The following NHEJ1 variants were observed in gnomAD, a reference collection of about 807,000 sequenced individuals.
NHEJ1 encodes the protein non-homologous end-joining factor 1.
In NHEJ1, 22 loss-of-function variants were observed where a neutral mutation model predicts 39.4. The ratio of observed to expected loss-of-function variants is 0.56; its 90% confidence interval spans 0.40 to 0.80. The LOEUF is 0.80. NHEJ1 is among the 30% of genes least tolerant of loss of function. The probability of loss-of-function intolerance (pLI) is 0.00; values close to 1 mark genes in which losing one functional copy is unlikely to be tolerated. For missense variants in NHEJ1, 329 were observed against 357.1 expected, an observed-to-expected ratio of 0.92 and a Z score of 0.63; for synonymous variants, 154 against 135.6, an observed-to-expected ratio of 1.14 and a Z score of -0.94.
chr2:219,110,160 A>G (rs115551901), intron 5 of NHEJ1, among the ~76,000 whole-genome samples: 5,114 of 152,238 alleles, frequency 0.034, 159 homozygotes, highest in Admixed American at 0.07. Flanking sequence ...ATGAACACAC[A>G]GACAAAAATC....
Position 219,158,170 on chromosome 2 carries a change from T to C in NHEJ1, c.177+16A>G. On this transcript the variant is annotated intron_variant, in intron 2 of 7. Transcript: ENST00000356853. ...GTTCACATCCCCGACACAGCAGTACTTCTCCTCATACTTACCTTGGCTCGC... is the reference window on the plus strand; with the variant it reads ...GTTCACATCCCCGACACAGCAGTACCTCTCCTCATACTTACCTTGGCTCGC... The C allele has an allele frequency of 1.2e-6, 2 of 1,613,802 alleles. No individual in the cohort carries two copies. The highest frequency in any genetic ancestry group is 1.1e-5 in the South Asian group (1 of 91,076).
chr2:219,105,665 T>C (rs1949306902), intron 5 of NHEJ1, among the ~76,000 whole-genome samples: 1 of 152,236 alleles, frequency 6.6e-6, no homozygotes, highest in Non-Finnish European at 1.5e-5. Context: ...TTCTGTCTAA[T>C]ACACTGTCTT....
intron 5 of NHEJ1, among the ~76,000 whole-genome samples, chr2:219,121,205 T>TA (rs559046266): frequency 0.011 from 1,412 of 134,254 alleles, 18 homozygotes; most frequent in African/African-American, 0.034. Context: ...AAACTCTGTC[T>TA]AAAAAAAAAA....
intron 5 of NHEJ1, among the ~76,000 whole-genome samples, chr2:219,080,425 T>C (rs1183756545): frequency 6.6e-6 from 1 of 151,478 alleles, no homozygotes; most frequent in Non-Finnish European, 1.5e-5. Flanking sequence ...CTCGGGAGGC[T>C]GAGGCAGCAG....
chr2:219,150,955 C>CA (rs918379610), intron 3 of NHEJ1, among the ~76,000 whole-genome samples: 34 of 143,048 alleles, frequency 2.4e-4, no homozygotes, highest in African/African-American at 3.4e-4. Context: ...GACTCCATCT[C>CA]AAAAAAAAAC....
At chr2:219,159,524 TGC>T (rs1450396156) in intron 1 of NHEJ1, among the ~76,000 whole-genome samples, 290 of 23,626 alleles carry the variant, frequency 0.012, 12 homozygotes, top group African/African-American at 0.018. Context: ...TATATATATA[TGC>T]ATATATATAT....
chr2:219,095,469 G>T, intron 5 of NHEJ1: 1 of 375,194 alleles, frequency 2.7e-6, no homozygotes, highest in Non-Finnish European at 5.6e-6. Flanking sequence ...AAACCTAATG[G>T]TCACTTAATA....
At chr2:219,127,470 T>C (rs752764459) in intron 5 of NHEJ1, among the ~76,000 whole-genome samples, 1 of 152,198 alleles carries the variant, frequency 6.6e-6, no homozygotes, top group Admixed American at 6.5e-5. Flanking sequence ...TCTTGAATAT[T>C]ATCCCCTCAC....
At chr2:219,159,724 ATGAT>A (rs1287967775) in intron 1 of NHEJ1, among the ~76,000 whole-genome samples, 1 of 151,204 alleles carries the variant, frequency 6.6e-6, no homozygotes, top group Non-Finnish European at 1.5e-5. Context: ...TGGTCATGGG[ATGAT>A]TAAGCTAGTC....
intron 5 of NHEJ1, among the ~76,000 whole-genome samples, chr2:219,096,831 G>A (rs1223200060): frequency 6.6e-6 from 1 of 152,158 alleles, no homozygotes; most frequent in Non-Finnish European, 1.5e-5. Context: ...AAGATTATAG[G>A]GATCAGGTAA....
chr2:219,098,357 T>C (rs1272594745), intron 5 of NHEJ1, among the ~76,000 whole-genome samples: 1 of 152,170 alleles, frequency 6.6e-6, no homozygotes, highest in Non-Finnish European at 1.5e-5. Context: ...TGAATACTAA[T>C]ATAACAATCT....
At chr2:219,077,083 C>A (rs1949020753) in intron 7 of NHEJ1, among the ~76,000 whole-genome samples, 163 bp downstream of exon 7, 1 of 152,200 alleles carries the variant, frequency 6.6e-6, no homozygotes, top group Admixed American at 6.5e-5. Flanking sequence ...ATGTGCAAGA[C>A]CATGACTCTC....
chr2:219,086,300 A>ATCACAGCAAAT (rs1949111476), intron 5 of NHEJ1, among the ~76,000 whole-genome samples: 2 of 152,258 alleles, frequency 1.3e-5, no homozygotes, highest in African/African-American at 4.8e-5. Context: ...AACTTGACTA[A>ATCACAGCAAAT]GGTCACAGCA....
chr2:219,078,617 G>A (rs1949035376), intron 5 of NHEJ1, among the ~76,000 whole-genome samples: 1 of 152,204 alleles, frequency 6.6e-6, no homozygotes, highest in African/African-American at 2.4e-5. Context: ...GGATAAAGGA[G>A]AGAGAGCAAA....
intron 5 of NHEJ1, among the ~76,000 whole-genome samples, chr2:219,125,158 T>TA (rs1206900898): frequency 1.4e-5 from 2 of 146,194 alleles, no homozygotes; most frequent in African/African-American, 5.0e-5. Context: ...CAAGAACTGA[T>TA]AGACTTAAAA....
intron 5 of NHEJ1, among the ~76,000 whole-genome samples, chr2:219,090,039 T>G (rs1184685167): frequency 6.6e-6 from 1 of 152,188 alleles, no homozygotes; most frequent in Non-Finnish European, 1.5e-5. Flanking sequence ...ATGATCTTGA[T>G]CTTGGCCAAG....
At chr2:219,081,841 T>C (rs1354541188) in intron 5 of NHEJ1, among the ~76,000 whole-genome samples, 1 of 152,134 alleles carries the variant, frequency 6.6e-6, no homozygotes, top group Non-Finnish European at 1.5e-5. Flanking sequence ...AAGTTAGACT[T>C]TGGATGTGCT....
rs1294891345 is a variant in NHEJ1 at position 219,111,559 on chromosome 2, G to GA, written c.589-33354dup. On this transcript the variant is annotated intron_variant, in intron 5 of 7. Transcript: ENST00000356853. This position sits in a 1 kb window ranked among gnomAD's most constrained non-coding sequence, Gnocchi z 4.1. ...CCCTTTAGCCCCAAATGTCTTTCAT[G>GA]AGACAGTGTGGCCAAGCCAGTGGGC... Among the ~76,000 whole-genome samples, 1 of 151,880 alleles carries GA rather than the reference G, an allele frequency of 6.6e-6. No individual in the cohort carries two copies. Among genetic ancestry groups the GA allele is most frequent in the East Asian group, 1.9e-4 (1 of 5,190 alleles).
rs1574693879 is a variant in NHEJ1 at position 219,070,435 on chromosome 2, A to C, written c.*5946T>G. ...TCAAATTCCTGACCTCAGGTGATCC[A>C]CCTGCCTCAGCCTCCCAAAGTGCTG... On this transcript the variant is annotated 3_prime_UTR_variant, in exon 8 of 8. Coordinates refer to ENST00000356853, the MANE Select transcript of NHEJ1 (RefSeq NM_024782.3). Among the ~76,000 whole-genome samples the C allele has an allele frequency of 6.6e-6, 1 of 152,008 alleles. No homozygotes were observed. The highest frequency in any genetic ancestry group is 1.5e-5 in the Non-Finnish European group (1 of 67,984).
Sources: gnomAD v4.1 joint callset for allele counts (sites outside exome capture counted in the v4.1 genomes callset) on GRCh38, gnomAD v4.1.1 for gene constraint, Gnocchi (gnomAD v3.1) non-coding constraint, MANE v1.5 for transcripts, NCBI Gene and HGNC (gene_info 2026-07-23, HGNC 2026-07-21) for gene names.